The following MS4A8 variants were observed in gnomAD, a reference collection of about 807,000 sequenced individuals.
MS4A8 encodes membrane spanning 4-domains A8.
In MS4A8, 27 loss-of-function variants were observed where a neutral mutation model predicts 23.7. The ratio of observed to expected loss-of-function variants is 1.14; its 90% confidence interval spans 0.84 to 1.57. The LOEUF (loss-of-function observed/expected upper bound fraction) is 1.57. Ranked by LOEUF, MS4A8 falls within the 40% of genes most tolerant of loss-of-function variation. The pLI, the probability that MS4A8 is intolerant of heterozygous loss-of-function variation, is 0.00. For missense variants in MS4A8, 301 were observed against 311.4 expected (o/e 0.97, Z 0.25); for synonymous variants, 138 against 126.3 (o/e 1.09, Z -0.62).
intron 5 of MS4A8, chr11:60,712,477 A>G: frequency 2.0e-6 from 2 of 985,340 alleles, no homozygotes; most frequent in African/African-American, 1.7e-5. Flanking sequence ...GCTGTCACCA[A>G]TGCTGTTTTT....
chr11:60,700,353 C>T (rs1322782975), intron 1 of MS4A8, among the ~76,000 whole-genome samples: 1 of 152,184 alleles, frequency 6.6e-6, no homozygotes. Flanking sequence ...CGAGACCAGC[C>T]TGGCCAACAG....
chr11:60,715,251 G>A, intron 6 of MS4A8, 59 bp from the exon 7 acceptor site: 1 of 1,536,012 alleles, frequency 6.5e-7, no homozygotes, highest in South Asian at 1.1e-5. Context: ...CGGTGTCCGA[G>A]GCCTTTGGTG....
chr11:60,706,346 A>G (rs1176813405), intron 3 of MS4A8, among the ~76,000 whole-genome samples: 1 of 152,190 alleles, frequency 6.6e-6, no homozygotes, highest in African/African-American at 2.4e-5. Context: ...AAATGCACGC[A>G]ATTGACATCA....
intron 2 of MS4A8, 176 bp downstream of exon 2, chr11:60,701,255 C>G: frequency 1.4e-6 from 1 of 710,562 alleles, no homozygotes; most frequent in Non-Finnish European, 2.5e-6. Context: ...CAGGCGGCCT[C>G]TGCTCAGACC....
At chr11:60,711,388 C>G (rs536143897) in intron 5 of MS4A8, among the ~76,000 whole-genome samples, 15 of 152,306 alleles carry the variant, frequency 9.8e-5, no homozygotes, top group Admixed American at 3.3e-4. Context: ...TCCTATGGAC[C>G]AAGTCCATGT....
intron 4 of MS4A8, among the ~76,000 whole-genome samples, chr11:60,707,812 CTTTT>C (rs5792195): frequency 1.1e-4 from 6 of 55,164 alleles, no homozygotes; most frequent in African/African-American, 3.8e-4. Flanking sequence ...TTTTCTTTTT[CTTTT>C]TTTTTTTTTT....
At chr11:60,700,201 T>G (rs374102404) in intron 1 of MS4A8, among the ~76,000 whole-genome samples, 31 of 152,340 alleles carry the variant, frequency 2.0e-4, no homozygotes, top group African/African-American at 7.0e-4. Flanking sequence ...GATTTTCTAG[T>G]TCTGAACTTT....
At chr11:60,708,071 C>T (rs2088272095) in intron 4 of MS4A8, among the ~76,000 whole-genome samples, 1 of 152,070 alleles carries the variant, frequency 6.6e-6, no homozygotes, top group South Asian at 2.1e-4. Context: ...TGGTCTTGAA[C>T]TCCTGACCTC....
In MS4A8 at chr11:60,706,973, T is replaced by A. The variant is rs2088260646; in HGVS notation, c.343-15T>A. On this transcript the variant is annotated splice_polypyrimidine_tract_variant and intron_variant, in intron 3 of 6. Transcript: ENST00000300226. ...GCCCCTGACCTCTTTCTAAACCCAC[T>A]CTGTTCTGTACCAGTTTATCATTTC... is the stretch of plus-strand genomic sequence containing the variant. 6.2e-7 allele frequency: 1 copy of A among 1,613,774 alleles called. No individual in the cohort carries two copies.
chr11:60,703,245 T>C, intron 2 of MS4A8, 133 bp from the exon 3 acceptor site: 1 of 1,114,716 alleles, frequency 9.0e-7, no homozygotes, highest in Non-Finnish European at 1.2e-6. Context: ...GTAGTTTTTA[T>C]TTCATTTTTG....
In MS4A8 at chr11:60,704,281, C is replaced by T. The variant is rs147908952; in HGVS notation, c.342+781C>T. On this transcript the variant is annotated intron_variant, in intron 3 of 6. Coordinates refer to ENST00000300226, the MANE Select transcript of MS4A8 (RefSeq NM_031457.2). ...GATTACAGACGCGCACCACCACGCC[C>T]GGCTAATTTTTGTATTTTTAGTAGT... Among the ~76,000 whole-genome samples, 455 of 152,036 alleles carry T rather than the reference C, an allele frequency of 3.0e-3. 4 individuals are homozygous for T. Among genetic ancestry groups the T allele is most frequent in the African/African-American group, 0.01 (427 of 41,472 alleles).
chr11:60,699,905 G>C (rs1324568396), intron 1 of MS4A8, 130 bp downstream of exon 1: 1 of 152,224 alleles, frequency 6.6e-6, no homozygotes, highest in East Asian at 1.9e-4. Context: ...TATTGAGTCT[G>C]CTCCAAGAGA....
chr11:60,700,087 T>G (rs1406031148), intron 1 of MS4A8, among the ~76,000 whole-genome samples: 1 of 152,246 alleles, frequency 6.6e-6, no homozygotes, highest in Non-Finnish European at 1.5e-5. Flanking sequence ...AATCTCCATT[T>G]AACTAATATT....
At chr11:60,705,748 C>T (rs561540510) in intron 3 of MS4A8, among the ~76,000 whole-genome samples, 5 of 152,234 alleles carry the variant, frequency 3.3e-5, no homozygotes, top group Admixed American at 3.3e-4. Flanking sequence ...ATGCATCTGC[C>T]GTGGGTGGGA....
intron 5 of MS4A8, 23 bp downstream of exon 5, chr11:60,708,804 G>A: frequency 6.2e-7 from 1 of 1,613,458 alleles, no homozygotes; most frequent in Non-Finnish European, 8.5e-7. Context: ...CTCAACCAAA[G>A]ATCCTCTAAG....
At chr11:60,715,287 C>T in intron 6 of MS4A8, 23 bp from the exon 7 acceptor site, 1 of 1,604,428 alleles carries the variant, frequency 6.2e-7, no homozygotes, top group Admixed American at 1.7e-5. Flanking sequence ...TTAGCATGCC[C>T]CCTGTGTGCC....
intron 2 of MS4A8, chr11:60,701,457 A>C: frequency 2.6e-6 from 1 of 378,880 alleles, no homozygotes; most frequent in East Asian, 7.1e-5. Flanking sequence ...ATATTTGCCC[A>C]ACAGGAAACA....
In MS4A8 at chr11:60,713,909, CTTTTTTTTTTTTT is replaced by C. The variant is rs1170997070; in HGVS notation, c.535-1098_535-1086del. ...TTGAGATTAGGGAGTGGTGATGACT[CTTTTTTTTTTTTT>C]TTTTTTTTTTTTTGAGACGGAGTCT... On this transcript the variant is annotated intron_variant, in intron 5 of 6. Transcript: ENST00000300226. Among the ~76,000 whole-genome samples the C allele has an allele frequency of 1.7e-3, 176 of 101,918 alleles. 15 individuals carry two copies. Among genetic ancestry groups the C allele is most frequent in the African/African-American group, 6.4e-3 (160 of 24,876 alleles). 66.9% of individuals were successfully genotyped at this position (101,918 alleles called of 152,430 possible). A position where few individuals can be genotyped will look rare whatever the true frequency, so the allele number is the denominator to read the frequency against.
chr11:60,702,311 C>T (rs76567012), intron 2 of MS4A8, among the ~76,000 whole-genome samples: 9,306 of 152,256 alleles, frequency 0.061, 695 homozygotes, highest in African/African-American at 0.17. Context: ...GTTTACTGAA[C>T]ACTGGACTGA....
Sources: allele counts gnomAD v4.1 joint callset (sites outside exome capture counted in the v4.1 genomes callset), GRCh38; gene constraint gnomAD v4.1.1; transcripts MANE v1.5; gene names NCBI Gene and HGNC (gene_info 2026-07-23, HGNC 2026-07-21).